The following NUTM2E variants were observed in gnomAD, a reference collection of about 807,000 sequenced individuals.
The protein encoded by NUTM2E is family with sequence similarity 22, member E.
NUTM2E carries 3 observed loss-of-function variants against 26.1 expected under a neutral mutation model. The observed-to-expected ratio is 0.12, with a 90% CI of 0.05 to 0.30. NUTM2E has a LOEUF of 0.30. NUTM2E is among the 10% of genes least tolerant of loss of function. NUTM2E has a pLI of 1.00. For missense variants in NUTM2E, 62 were observed against 381.3 expected, an observed-to-expected ratio of 0.16 and a Z score of 6.97; for synonymous variants, 13 against 157.5, an observed-to-expected ratio of 0.08 and a Z score of 6.87.
intron 1 of NUTM2E, among the ~76,000 whole-genome samples, chr10:79,828,636 A>G (rs1841906989): frequency 6.6e-6 from 1 of 151,938 alleles, no homozygotes; most frequent in Admixed American, 6.6e-5. Flanking sequence ...CTTTTGAATG[A>G]GGGGCCATAC....
intron 1 of NUTM2E, among the ~76,000 whole-genome samples, chr10:79,835,256 G>A (rs1841956556): frequency 6.7e-6 from 1 of 150,016 alleles, no homozygotes; most frequent in Non-Finnish European, 1.5e-5. Flanking sequence ...GGTGATTTTG[G>A]TTGCTTAAAT....
intron 8 of NUTM2E, among the ~76,000 whole-genome samples, 189 bp from the exon 9 acceptor site, chr10:79,849,181 TG>T (rs1306904704): frequency 1.7e-5 from 1 of 59,296 alleles, no homozygotes; most frequent in Non-Finnish European, 4.0e-5. Flanking sequence ...GTGGTTTGTG[TG>T]TCTCTGTCTG....
chr10:79,834,635 T>G (rs1462933171), intron 1 of NUTM2E, among the ~76,000 whole-genome samples: 1 of 147,200 alleles, frequency 6.8e-6, no homozygotes, highest in Non-Finnish European at 1.5e-5. Flanking sequence ...GCCACCATAC[T>G]CCAGCCTGGG....
rs565323852 is a variant in NUTM2E at position 79,833,393 on chromosome 10, A to G, written c.-2727-4916A>G. Among the ~76,000 whole-genome samples the G allele has an allele frequency of 8.6e-5, 13 of 151,298 alleles. No homozygotes were observed. The South Asian group carries it at 2.5e-3, about 30-fold the overall frequency. ...TAATTAAACTAAAGAGCTTCTGCAC[A>G]GCAAAAGAAACTACCGTCAGAGTGA... On this transcript the variant is annotated intron_variant, in intron 1 of 9. Transcript: ENST00000429984.
intron 1 of NUTM2E, among the ~76,000 whole-genome samples, chr10:79,829,814 A>G (rs1335311799): frequency 6.6e-6 from 1 of 151,600 alleles, no homozygotes; most frequent in Non-Finnish European, 1.5e-5. Context: ...GTGAAGCACC[A>G]ATGGCCTTGA....
chr10:79,838,608 G>A (rs949463748), intron 2 of NUTM2E, among the ~76,000 whole-genome samples, 22 bp downstream of exon 2: 39 of 148,980 alleles, frequency 2.6e-4, no homozygotes, highest in South Asian at 1.1e-3. Context: ...AAAGGAGCGC[G>A]GCCTGGGCAT....
chr10:79,837,288 C>T (rs1841969718), intron 1 of NUTM2E, among the ~76,000 whole-genome samples: 1 of 151,946 alleles, frequency 6.6e-6, no homozygotes. Flanking sequence ...ATTTGGAAGC[C>T]TGATTCTGTT....
intron 1 of NUTM2E, among the ~76,000 whole-genome samples, chr10:79,834,927 CTG>C (rs756233187): frequency 4.0e-5 from 6 of 151,722 alleles, no homozygotes; most frequent in African/African-American, 9.7e-5. Flanking sequence ...ATCTTTCTCT[CTG>C]TGTGTTTCTC....
At chr10:79,827,795 G>GTTTTTTTTTTTTTTTTTTTTTT in intron 1 of NUTM2E, among the ~76,000 whole-genome samples, 1 of 127,738 alleles carries the variant, frequency 7.8e-6, no homozygotes, top group Non-Finnish European at 1.7e-5. Context: ...TTTTTTTTTT[G>GTTTTTTTTTTTTTTTTTTTTTT]TTTTTTTTTT....
At chr10:79,834,601 G>A (rs1239127409) in intron 1 of NUTM2E, among the ~76,000 whole-genome samples, 2 of 150,288 alleles carry the variant, frequency 1.3e-5, no homozygotes, top group Non-Finnish European at 3.0e-5. Context: ...CCGGGAGACA[G>A]AGGTTTCAGT....
intron 1 of NUTM2E, among the ~76,000 whole-genome samples, chr10:79,828,322 G>T (rs371995047): frequency 6.6e-6 from 1 of 151,918 alleles, no homozygotes; most frequent in African/African-American, 2.4e-5. Flanking sequence ...AATGGAATCA[G>T]AATATACTTT....
chr10:79,836,378 A>G (rs2132416246), intron 1 of NUTM2E, among the ~76,000 whole-genome samples: 1 of 152,068 alleles, frequency 6.6e-6, no homozygotes, highest in Middle Eastern at 3.4e-3. Flanking sequence ...TCTGAGGGAC[A>G]ATAGCATTTC....
chr10:79,838,568 C>A lies in NUTM2E; in HGVS notation c.-2468C>A, dbSNP rs1482799664. 1.2e-3 allele frequency among the ~76,000 whole-genome samples: 173 copies of A among 146,836 alleles called. No homozygotes were observed. The highest frequency in any genetic ancestry group is 2.0e-3 in the Non-Finnish European group (133 of 65,340). ...GTTCCCACTGCATTGTTACACCTCCCCCCTCACTTCAGGGCCAGGTGAGCA... is the reference window on the plus strand; with the variant it reads ...GTTCCCACTGCATTGTTACACCTCCACCCTCACTTCAGGGCCAGGTGAGCA... On this transcript the variant is annotated 5_prime_UTR_variant, in exon 2 of 10. Coordinates refer to ENST00000429984, the MANE Select transcript of NUTM2E (RefSeq NM_001355263.2).
intron 1 of NUTM2E, among the ~76,000 whole-genome samples, chr10:79,828,478 A>G (rs1209322566): frequency 6.6e-6 from 1 of 151,860 alleles, no homozygotes; most frequent in Non-Finnish European, 1.5e-5. Context: ...TTGGTAGAAT[A>G]CCTTCTGTCA....
At position 79,826,865 on chromosome 10, in the gene NUTM2E, C is replaced by CGGGA; in HGVS notation, c.-3220_-3219insGGGA. 6.6e-6 allele frequency: 1 copy of CGGGA among 151,536 alleles called. No homozygotes were observed. The highest frequency in any genetic ancestry group is 2.0e-4 in the East Asian group (1 of 5,094). The allele number at this position is 151,536 out of a possible 1,614,324, so 9.4% of individuals were successfully genotyped here. ...GCAGAGCCCGTCGGGAGTCGTAGTC[C>CGGGA]CGGACGGGCCCGCGGCATCGTCCGC... On this transcript the variant is annotated 5_prime_UTR_variant, in exon 1 of 10. Coordinates refer to ENST00000429984, the MANE Select transcript of NUTM2E (RefSeq NM_001355263.2).
chr10:79,835,009 C>G (rs1564741793), intron 1 of NUTM2E, among the ~76,000 whole-genome samples: 1 of 151,382 alleles, frequency 6.6e-6, no homozygotes, highest in Non-Finnish European at 1.5e-5. Flanking sequence ...TCTTCTATTA[C>G]TTTTAATATT....
intron 1 of NUTM2E, among the ~76,000 whole-genome samples, chr10:79,833,701 T>G (rs1841942898): frequency 6.6e-6 from 1 of 151,670 alleles, no homozygotes; most frequent in African/African-American, 2.4e-5. Flanking sequence ...CATTAAAAAC[T>G]CAGGAAACAA....
intron 8 of NUTM2E, 116 bp from the exon 9 acceptor site, chr10:79,849,255 C>G (rs1842039429): frequency 3.6e-6 from 1 of 274,418 alleles, no homozygotes; most frequent in African/African-American, 3.7e-5. Flanking sequence ...TGATATGAGA[C>G]AGCCCCAGGA....
At chr10:79,834,976 C>T (rs1841952720) in intron 1 of NUTM2E, among the ~76,000 whole-genome samples, 1 of 151,264 alleles carries the variant, frequency 6.6e-6, no homozygotes, top group African/African-American at 2.4e-5. Context: ...TCTCTTAATC[C>T]ATCCATTCAT....
Sources: allele counts gnomAD v4.1 joint callset (sites outside exome capture counted in the v4.1 genomes callset), GRCh38; gene constraint gnomAD v4.1.1; transcripts MANE v1.5; gene names NCBI Gene and HGNC (gene_info 2026-07-23, HGNC 2026-07-21).